Variants in FAM13A observed in about 807,000 individuals in gnomAD.
The protein encoded by FAM13A is protein FAM13A.
FAM13A carries 76 observed loss-of-function variants against 129.6 expected under a neutral mutation model. That is an observed-to-expected ratio of 0.59 (90% confidence interval 0.49 to 0.71). The LOEUF (loss-of-function observed/expected upper bound fraction) is 0.71, where lower values mean the gene tolerates loss of function less well. Among genes scored for constraint, FAM13A ranks in the 30% least tolerant of loss-of-function variants. The pLI, the probability that FAM13A is intolerant of heterozygous loss-of-function variation, is 0.00. For missense variants in FAM13A, 1,108 were observed against 1,249.3 expected (o/e 0.89, Z 1.70); for synonymous variants, 443 against 449.9 (o/e 0.98, Z 0.20).
chr4:89,049,494 G>T (rs764357848), intron 1 of FAM13A, among the ~76,000 whole-genome samples: 3 of 152,090 alleles, frequency 2.0e-5, no homozygotes, highest in African/African-American at 4.8e-5. Flanking sequence ...AAACATTAAA[G>T]AAATATTTGG....
chr4:88,879,021 A>G lies in FAM13A; in HGVS notation c.843+27358T>C, dbSNP rs1357272774. Among the ~76,000 whole-genome samples the G allele has an allele frequency of 2.0e-5, 3 of 152,354 alleles. No homozygotes were observed. The East Asian group carries it at 5.8e-4, about 29-fold the overall frequency. On this transcript the variant is annotated intron_variant, in intron 6 of 23. Transcript: ENST00000264344. ...AACTATATTCTAAACAGCATGGTTG[A>G]TATATAAAACGGTCTTTAGAATGAA...
chr4:88,949,979 G>GT (rs1756668677), intron 4 of FAM13A, among the ~76,000 whole-genome samples: 1 of 152,064 alleles, frequency 6.6e-6, no homozygotes, highest in South Asian at 2.1e-4. Context: ...TTTTGGATAC[G>GT]TTGGAAAAAT....
chr4:88,791,449 A>G (rs185679522), intron 8 of FAM13A, among the ~76,000 whole-genome samples: 13 of 152,242 alleles, frequency 8.5e-5, no homozygotes, highest in African/African-American at 3.1e-4. Context: ...TGAGGCTGGC[A>G]GCTATTTTAA....
At chr4:88,749,950 T>TC (rs752428885) in intron 15 of FAM13A, 41 bp from the exon 16 acceptor site, 11 of 1,608,288 alleles carry the variant, frequency 6.8e-6, no homozygotes, top group Non-Finnish European at 9.3e-6. Flanking sequence ...CCAGGAGCAG[T>TC]CACTGCTTGC....
chr4:88,882,544 C>A (rs78366141), intron 6 of FAM13A, among the ~76,000 whole-genome samples: 9,271 of 151,418 alleles, frequency 0.061, 377 homozygotes, highest in Non-Finnish European at 0.098. Flanking sequence ...AATATACCAA[C>A]ATAGAACCTC....
intron 8 of FAM13A, among the ~76,000 whole-genome samples, chr4:88,798,293 C>G (rs1397267459): frequency 6.6e-6 from 1 of 152,130 alleles, no homozygotes; most frequent in Non-Finnish European, 1.5e-5. Flanking sequence ...ATCTTCTTCC[C>G]TTTATCCCTT....
chr4:88,875,013 C>G lies in FAM13A; in HGVS notation c.844-23830G>C, dbSNP rs189911328. ...ACATCTACAAGCATATGATCTTTGACAAACCTGACAAAAACAAGAAATGGG... is the reference window on the plus strand; with the variant it reads ...ACATCTACAAGCATATGATCTTTGAGAAACCTGACAAAAACAAGAAATGGG... On this transcript the variant is annotated intron_variant, in intron 6 of 23. Coordinates refer to ENST00000264344, the MANE Select transcript of FAM13A (RefSeq NM_014883.4). Among the ~76,000 whole-genome samples the G allele has an allele frequency of 1.1e-4, 16 of 152,276 alleles. No individual in the cohort carries two copies. In the East Asian group the frequency reaches 1.7e-3, roughly 17 times the overall value.
chr4:88,929,432 C>A (rs568173080), intron 5 of FAM13A, among the ~76,000 whole-genome samples: 22 of 152,222 alleles, frequency 1.4e-4, no homozygotes, highest in Admixed American at 1.4e-3. Flanking sequence ...GGATGTCTAA[C>A]TTTCTTGCTA....
intron 5 of FAM13A, among the ~76,000 whole-genome samples, chr4:88,912,788 G>A (rs930936325): frequency 6.6e-6 from 1 of 151,974 alleles, no homozygotes; most frequent in Non-Finnish European, 1.5e-5. Context: ...CTAAGCCTGG[G>A]CAACCTAGTG....
At chr4:88,829,137 A>C (rs1228158893) in intron 7 of FAM13A, among the ~76,000 whole-genome samples, 1 of 152,236 alleles carries the variant, frequency 6.6e-6, no homozygotes, top group Non-Finnish European at 1.5e-5. Flanking sequence ...TCTTGGCCAC[A>C]GTAATGTATT....
In FAM13A at chr4:88,992,542, C is replaced by T. The variant is rs558229397; in HGVS notation, c.428-1392G>A. ...GACCCACCACACCCGGCCAGAATAA[C>T]TTTTTCTTTAACAATATCTAACATG... On this transcript the variant is annotated intron_variant, in intron 3 of 23. Transcript: ENST00000264344. 3.7e-3 allele frequency among the ~76,000 whole-genome samples: 561 copies of T among 152,166 alleles called. 5 individuals carry two copies. The highest frequency in any genetic ancestry group is 0.012 in the African/African-American group (512 of 41,532).
chr4:88,748,238 A>G (rs1741800377), intron 17 of FAM13A, among the ~76,000 whole-genome samples: 1 of 152,178 alleles, frequency 6.6e-6, no homozygotes, highest in Non-Finnish European at 1.5e-5. Flanking sequence ...GTTTTTCTGT[A>G]GTATCAATAA....
chr4:88,924,211 T>A (rs988869985), intron 5 of FAM13A, among the ~76,000 whole-genome samples: 3 of 152,098 alleles, frequency 2.0e-5, no homozygotes, highest in African/African-American at 7.2e-5. Context: ...TACTTTAAAG[T>A]TCATATGGAA....
At chr4:88,786,689 C>A (rs999277415) in intron 10 of FAM13A, among the ~76,000 whole-genome samples, 1 of 151,796 alleles carries the variant, frequency 6.6e-6, no homozygotes, top group Non-Finnish European at 1.5e-5. Flanking sequence ...TCTAAAATTA[C>A]ATTTGCTAAT....
intron 22 of FAM13A, 131 bp from the exon 23 acceptor site, chr4:88,731,559 A>C: frequency 1.8e-6 from 1 of 548,400 alleles, no homozygotes; most frequent in Non-Finnish European, 3.2e-6. Context: ...GAGAGCATTG[A>C]GGGGGCGCGG....
At chr4:88,941,851 C>G (rs1754812204) in intron 4 of FAM13A, among the ~76,000 whole-genome samples, 2 of 152,166 alleles carry the variant, frequency 1.3e-5, no homozygotes, top group East Asian at 3.8e-4. Context: ...TTTGCAGTGA[C>G]TGAAGAGTCA....
intron 4 of FAM13A, among the ~76,000 whole-genome samples, chr4:88,951,732 C>A (rs1248179693): frequency 6.6e-6 from 1 of 152,188 alleles, no homozygotes; most frequent in East Asian, 1.9e-4. Context: ...TCTCTCCCAT[C>A]AAAATCAATT....
intron 19 of FAM13A, among the ~76,000 whole-genome samples, chr4:88,745,276 C>T (rs575790580): frequency 6.6e-6 from 1 of 152,246 alleles, no homozygotes; most frequent in Admixed American, 6.5e-5. Flanking sequence ...CTAAGCAGCC[C>T]AAAGTCATAG....
intron 7 of FAM13A, among the ~76,000 whole-genome samples, chr4:88,832,018 G>A (rs1733968680): frequency 6.6e-6 from 1 of 152,040 alleles, no homozygotes; most frequent in Admixed American, 6.6e-5. Flanking sequence ...AAAACAGCAT[G>A]GTACTGGTAC....
Sources: gnomAD v4.1 joint callset for allele counts (sites outside exome capture counted in the v4.1 genomes callset) on GRCh38, gnomAD v4.1.1 for gene constraint, MANE v1.5 for transcripts, NCBI Gene and HGNC (gene_info 2026-07-23, HGNC 2026-07-21) for gene names.